ADK: variants seen among roughly 807,000 people sequenced by gnomAD.
ADK encodes the protein N6,N6-dimethyladenosine kinase.
In ADK, 24 loss-of-function variants were observed where a neutral mutation model predicts 44.7. The ratio of observed to expected loss-of-function variants is 0.54; its 90% CI spans 0.39 to 0.76. ADK has a LOEUF of 0.76. Among genes scored for constraint, ADK ranks in the 30% least tolerant of loss-of-function variants. The pLI, the probability that ADK is intolerant of heterozygous loss-of-function variation, is 0.00. For synonymous variants in ADK, 128 were observed against 142.6 expected (o/e 0.90, Z 0.73); for missense variants, 321 against 425.1 (o/e 0.76, Z 2.15).
rs893187260 is a variant in ADK at position 74,265,573 on chromosome 10, A to G, written c.194+40982A>G. Reference sequence around the variant, plus strand: ...AACAATAACATTTTTTTCTGTGATGATATTTGAGAAAAGCGCAACTTAATT... The same window carrying G: ...AACAATAACATTTTTTTCTGTGATGGTATTTGAGAAAAGCGCAACTTAATT... On this transcript the variant is annotated intron_variant, in intron 3 of 10. Transcript: ENST00000539909. 2.6e-5 allele frequency among the ~76,000 whole-genome samples: 4 copies of G among 151,960 alleles called. No homozygotes were observed. The East Asian group carries it at 7.7e-4, about 29-fold the overall frequency.
At chr10:74,452,667 T>C (rs1845816744) in intron 6 of ADK, among the ~76,000 whole-genome samples, 1 of 152,120 alleles carries the variant, frequency 6.6e-6, no homozygotes, top group South Asian at 2.1e-4. Context: ...AATATTCAGG[T>C]GTTTTTAAGA....
intron 7 of ADK, among the ~76,000 whole-genome samples, chr10:74,582,437 G>A (rs1044978497): frequency 6.6e-6 from 1 of 152,138 alleles, no homozygotes; most frequent in African/African-American, 2.4e-5. Flanking sequence ...TGTTCTGAAA[G>A]AAATTAGTCT....
chr10:74,520,792 T>C (rs1362056258), intron 6 of ADK, among the ~76,000 whole-genome samples: 1 of 152,128 alleles, frequency 6.6e-6, no homozygotes, highest in African/African-American at 2.4e-5. Context: ...TGTCCCTATC[T>C]GTCCTACTGC....
Position 74,339,172 on chromosome 10 carries a change from G to A in ADK, c.273+24427G>A, listed in dbSNP as rs144065260. ...ATGGGGGTCTCACCATGTTGCCCAG[G>A]CTGGTCTCAGTCTCCTGGCTTCAAG... is the stretch of plus-strand genomic sequence containing the variant. On this transcript the variant is annotated intron_variant, in intron 4 of 10. Coordinates refer to ENST00000539909, the MANE Select transcript of ADK (RefSeq NM_006721.4). 2.0e-4 allele frequency among the ~76,000 whole-genome samples: 30 copies of A among 152,156 alleles called. 2 individuals are homozygous for A. The East Asian group carries it at 5.8e-3, about 29-fold the overall frequency.
chr10:74,657,613 A>G (rs1854534720), intron 9 of ADK, among the ~76,000 whole-genome samples: 1 of 152,228 alleles, frequency 6.6e-6, no homozygotes, highest in Non-Finnish European at 1.5e-5. Context: ...ATTCTGGGAG[A>G]TAATCAAATG....
chr10:74,581,299 T>TG (rs1405816789), intron 7 of ADK, among the ~76,000 whole-genome samples: 2 of 151,748 alleles, frequency 1.3e-5, no homozygotes, highest in African/African-American at 4.8e-5. Flanking sequence ...ATGTCTGAGG[T>TG]GAAAAGTTCA....
rs12251416 is a variant in ADK at position 74,614,006 on chromosome 10, C to T, written c.877+13513C>T. Among the ~76,000 whole-genome samples, 13 of 152,174 alleles carry T rather than the reference C, an allele frequency of 8.5e-5. No individual in the cohort carries two copies. In the South Asian group the frequency reaches 1.5e-3, roughly 17 times the overall value. On this transcript the variant is annotated intron_variant, in intron 9 of 10. Coordinates refer to ENST00000539909, the MANE Select transcript of ADK (RefSeq NM_006721.4). ...ATCTTAGAGAAAATATATTTCTCAC[C>T]TATGAATGTAAGTTACTAAGTTATT...
At chr10:74,398,808 A>G (rs1312070280) in intron 6 of ADK, among the ~76,000 whole-genome samples, 1 of 152,072 alleles carries the variant, frequency 6.6e-6, no homozygotes, top group Non-Finnish European at 1.5e-5. Flanking sequence ...TTTTGGATAC[A>G]TTATGCATAG....
chr10:74,457,067 AATAG>A (rs1460139380), intron 6 of ADK, among the ~76,000 whole-genome samples: 1 of 152,200 alleles, frequency 6.6e-6, no homozygotes, highest in African/African-American at 2.4e-5. Context: ...AGATTAACAA[AATAG>A]ATAGACTGCT....
chr10:74,618,634 A>T (rs565784268), intron 9 of ADK, among the ~76,000 whole-genome samples: 4 of 152,150 alleles, frequency 2.6e-5, no homozygotes, highest in Non-Finnish European at 5.9e-5. Flanking sequence ...TTTGCCTTTC[A>T]ATGTGTATAG....
chr10:74,254,647 A>G (rs765322591), intron 3 of ADK, among the ~76,000 whole-genome samples: 14 of 152,160 alleles, frequency 9.2e-5, no homozygotes, highest in Non-Finnish European at 2.1e-4. Flanking sequence ...TTCTTATCTA[A>G]TCACAGAGTT....
intron 3 of ADK, among the ~76,000 whole-genome samples, chr10:74,284,733 A>G (rs1481778191): frequency 6.6e-6 from 1 of 152,216 alleles, no homozygotes; most frequent in African/African-American, 2.4e-5. Flanking sequence ...TGAGGTGCCA[A>G]ATCTTGGTCT....
At chr10:74,314,472 C>T (rs763692124) in intron 3 of ADK, among the ~76,000 whole-genome samples, 195 bp from the exon 4 acceptor site, 4 of 151,978 alleles carry the variant, frequency 2.6e-5, no homozygotes, top group Non-Finnish European at 4.4e-5. Flanking sequence ...TATAGTTGTA[C>T]ACTTATGGAA....
At chr10:74,315,780 C>G (rs1348866867) in intron 4 of ADK, among the ~76,000 whole-genome samples, 1 of 152,128 alleles carries the variant, frequency 6.6e-6, no homozygotes, top group African/African-American at 2.4e-5. Context: ...CACATACTTC[C>G]AAGCTCAGAT....
intron 7 of ADK, among the ~76,000 whole-genome samples, chr10:74,559,365 A>G (rs901770825): frequency 5.9e-5 from 9 of 152,226 alleles, no homozygotes. Context: ...AAATAGCTAG[A>G]TCTCTTTTCC....
chr10:74,483,952 C>A (rs1029672523), intron 6 of ADK, among the ~76,000 whole-genome samples: 46 of 152,206 alleles, frequency 3.0e-4, no homozygotes, highest in African/African-American at 1.1e-3. Context: ...CCGTATCTTA[C>A]TATATTCTTA....
chr10:74,681,849 CAAAAA>C (rs34381749), intron 10 of ADK, among the ~76,000 whole-genome samples: 1 of 93,150 alleles, frequency 1.1e-5, no homozygotes, highest in South Asian at 3.9e-4. Context: ...GACTCCATCT[CAAAAA>C]AAAAAAAAAA....
chr10:74,280,397 C>T (rs1475399020), intron 3 of ADK, among the ~76,000 whole-genome samples: 7 of 145,640 alleles, frequency 4.8e-5, no homozygotes, highest in South Asian at 4.3e-4. Context: ...CCACCGCGCC[C>T]GGCCTTAAAC....
chr10:74,371,653 T>C, intron 4 of ADK: 1 of 1,016,064 alleles, frequency 9.8e-7, no homozygotes, highest in Non-Finnish European at 1.5e-6. Context: ...TACATCTCTA[T>C]AAGGAAAAGT....
Sources: allele counts gnomAD v4.1 joint callset (sites outside exome capture counted in the v4.1 genomes callset), GRCh38; gene constraint gnomAD v4.1.1; transcripts MANE v1.5; gene names NCBI Gene and HGNC (gene_info 2026-07-23, HGNC 2026-07-21).